The following ANP32A variants were observed in gnomAD, a reference collection of about 807,000 sequenced individuals.
The protein encoded by ANP32A is acidic nuclear phosphoprotein 32 family member A.
ANP32A carries 1 observed loss-of-function variant against 33.9 expected under a neutral mutation model. The ratio of observed to expected loss-of-function variants is 0.03; its 90% CI spans 0.01 to 0.14. The LOEUF is 0.14. Among genes scored for constraint, ANP32A ranks in the 10% least tolerant of loss-of-function variants. The probability of loss-of-function intolerance (pLI) is 1.00; values close to 1 mark genes in which losing one functional copy is unlikely to be tolerated. For missense variants in ANP32A, 155 were observed against 306.0 expected (o/e 0.51, Z 3.68); for synonymous variants, 115 against 120.5 (o/e 0.95, Z 0.30).
intron 3 of ANP32A, among the ~76,000 whole-genome samples, chr15:68,785,384 T>G (rs1893919203): frequency 6.6e-6 from 1 of 152,146 alleles, no homozygotes; most frequent in Non-Finnish European, 1.5e-5. Context: ...TGCAAGTAAC[T>G]GAGCTACATT....
chr15:68,814,260 A>G (rs1423503552), intron 1 of ANP32A, among the ~76,000 whole-genome samples: 2 of 152,032 alleles, frequency 1.3e-5, no homozygotes, highest in Non-Finnish European at 2.9e-5. Flanking sequence ...ATGTCTTTCC[A>G]ATGGTATTGA....
chr15:68,808,309 G>C (rs1336885882), intron 1 of ANP32A, among the ~76,000 whole-genome samples: 1 of 152,076 alleles, frequency 6.6e-6, no homozygotes, highest in Admixed American at 6.5e-5. Flanking sequence ...ATGCTCCCCT[G>C]GCAGTTCTGA....
rs1256644420 is a variant in ANP32A at position 68,778,632 on chromosome 15, G to C, written c.*1449C>G. Reference sequence around the variant, plus strand: ...AAACAATGAAAGATATTCAAAACAAGGTTCCAAGGTTGGCCCAACTTGATT... The same window carrying C: ...AAACAATGAAAGATATTCAAAACAACGTTCCAAGGTTGGCCCAACTTGATT... On this transcript the variant is annotated 3_prime_UTR_variant, in exon 7 of 7. Coordinates refer to ENST00000465139, the MANE Select transcript of ANP32A (RefSeq NM_006305.4). 6.6e-6 allele frequency: 1 copy of C among 152,100 alleles called. No homozygotes were observed. The highest frequency in any genetic ancestry group is 1.5e-5 in the Non-Finnish European group (1 of 68,034). 9.4% of individuals were successfully genotyped at this position (152,100 alleles called of 1,614,324 possible).
chr15:68,780,854 G>GCAAAGTAGGC lies in ANP32A; in HGVS notation c.625-391_625-382dup, dbSNP rs1376619396. On this transcript the variant is annotated intron_variant, in intron 5 of 6. Transcript: ENST00000465139. The surrounding 1 kb of genome is among the most constrained non-coding windows in gnomAD (Gnocchi z 4.3). ...AGTTCCCGAGCAGACTCCCTGACGT[G>GCAAAGTAGGC]CAAAGTAGGCCATCCTTTCTTGCAT... is the stretch of plus-strand genomic sequence containing the variant. The GCAAAGTAGGC allele has an allele frequency of 5.8e-6, 1 of 172,582 alleles. No individual in the cohort carries two copies. Among genetic ancestry groups the GCAAAGTAGGC allele is most frequent in the Non-Finnish European group, 1.2e-5 (1 of 80,532 alleles). The allele number at this position is 172,582 out of a possible 1,614,324, so 10.7% of individuals were successfully genotyped here. A position where few individuals can be genotyped will look rare whatever the true frequency, so the allele number is the denominator to read the frequency against.
intron 5 of ANP32A, among the ~76,000 whole-genome samples, chr15:68,781,949 G>A (rs962957542): frequency 6.6e-6 from 1 of 152,156 alleles, no homozygotes; most frequent in Non-Finnish European, 1.5e-5. Flanking sequence ...AGCCTGGGCC[G>A]GCTGGCTGGA....
intron 1 of ANP32A, chr15:68,791,155 GA>G (rs1446832326): frequency 3.3e-5 from 5 of 152,274 alleles, no homozygotes; most frequent in Admixed American, 6.5e-5. Context: ...CAAAGAATCT[GA>G]ACAGACAGGC....
chr15:68,803,827 G>T (rs1326236804), intron 1 of ANP32A, among the ~76,000 whole-genome samples: 1 of 138,408 alleles, frequency 7.2e-6, no homozygotes, highest in Non-Finnish European at 1.5e-5. Flanking sequence ...TTTTGAGACG[G>T]AGTCTTGCTC....
intron 1 of ANP32A, among the ~76,000 whole-genome samples, chr15:68,811,084 A>C (rs1034931568): frequency 6.7e-6 from 1 of 148,930 alleles, no homozygotes; most frequent in Non-Finnish European, 1.5e-5. Flanking sequence ...AAAAAAAAGA[A>C]TGCTGAATCC....
At chr15:68,793,977 A>T (rs767453) in intron 1 of ANP32A, among the ~76,000 whole-genome samples, 69,077 of 152,034 alleles carry the variant, frequency 0.45, 15,958 homozygotes, top group South Asian at 0.6. Context: ...TGAGGCAACA[A>T]GGAAAGGTGG....
At chr15:68,811,139 A>ACCCAACAGCC (rs1364351445) in intron 1 of ANP32A, among the ~76,000 whole-genome samples, 8 of 151,054 alleles carry the variant, frequency 5.3e-5, no homozygotes. Flanking sequence ...GGCTGTTGGG[A>ACCCAACAGCC]TTCTTGGCAC....
At chr15:68,787,137 T>A in intron 3 of ANP32A, 3 of 384,290 alleles carry the variant, frequency 7.8e-6, no homozygotes, top group Non-Finnish European at 1.4e-5. Context: ...AGAAACTGAG[T>A]GGAAAAGCAG....
At chr15:68,783,195 T>A in intron 4 of ANP32A, 142 bp from the exon 5 acceptor site, 3 of 1,305,696 alleles carry the variant, frequency 2.3e-6, no homozygotes, top group South Asian at 3.0e-5. Context: ...TGGAACACAC[T>A]AACTCTCATG....
At chr15:68,804,530 G>A (rs983801875) in intron 1 of ANP32A, among the ~76,000 whole-genome samples, 5 of 152,214 alleles carry the variant, frequency 3.3e-5, no homozygotes, top group Non-Finnish European at 4.4e-5. Flanking sequence ...GTACAAAAAT[G>A]AAAATCTAGT....
At chr15:68,818,345 C>A (rs973866076) in intron 1 of ANP32A, 2 of 189,972 alleles carry the variant, frequency 1.1e-5, no homozygotes, top group South Asian at 5.7e-5. Flanking sequence ...CCAGGGGCAG[C>A]GCGGCGGGGA....
At chr15:68,795,869 G>A (rs562951977) in intron 1 of ANP32A, among the ~76,000 whole-genome samples, 41 of 152,262 alleles carry the variant, frequency 2.7e-4, no homozygotes, top group African/African-American at 9.4e-4. Context: ...AGCCTTCCCT[G>A]ACTGCCCAGC....
chr15:68,819,346 G>A (rs1257294374), intron 1 of ANP32A, among the ~76,000 whole-genome samples: 4 of 152,234 alleles, frequency 2.6e-5, no homozygotes, highest in African/African-American at 7.2e-5. Context: ...GCGAGAGGGA[G>A]GCAGAAATAA....
chr15:68,787,296 C>G (rs1893944807), intron 3 of ANP32A, 117 bp downstream of exon 3: 1 of 1,404,402 alleles, frequency 7.1e-7, no homozygotes, highest in African/African-American at 1.4e-5. Context: ...TCTCATAGCA[C>G]ATCATGAGAG....
intron 1 of ANP32A, among the ~76,000 whole-genome samples, chr15:68,808,558 C>T (rs1460461336): frequency 6.6e-6 from 1 of 152,242 alleles, no homozygotes; most frequent in Non-Finnish European, 1.5e-5. Context: ...ATGCTGGGCA[C>T]ACAGGCCATA....
At chr15:68,783,912 C>T (rs1033861007) in intron 4 of ANP32A, among the ~76,000 whole-genome samples, 2 of 152,172 alleles carry the variant, frequency 1.3e-5, no homozygotes, top group African/African-American at 4.8e-5. Context: ...GACCTCCTCT[C>T]CACTACTGAA....
Sources: gnomAD v4.1 joint callset for allele counts (sites outside exome capture counted in the v4.1 genomes callset) on GRCh38, gnomAD v4.1.1 for gene constraint, Gnocchi (gnomAD v3.1) non-coding constraint, MANE v1.5 for transcripts, NCBI Gene and HGNC (gene_info 2026-07-23, HGNC 2026-07-21) for gene names.